Variants in MGAT5 observed in about 807,000 individuals in gnomAD.
MGAT5 encodes alpha-1,6-mannosylglycoprotein 6-beta-N-acetylglucosaminyltransferase A.
MGAT5 carries 30 observed loss-of-function variants against 94.3 expected under a neutral mutation model. That is an observed-to-expected ratio of 0.32 (90% CI 0.24 to 0.43). MGAT5 has a LOEUF of 0.43. MGAT5 is among the 20% of genes least tolerant of loss of function. The probability of loss-of-function intolerance (pLI) is 1.00; values close to 1 mark genes in which losing one functional copy is unlikely to be tolerated. For missense variants in MGAT5, 691 were observed against 905.5 expected (o/e 0.76, Z 3.04); for synonymous variants, 310 against 322.9 (o/e 0.96, Z 0.43).
At chr2:134,400,000 G>C (rs1298616280) in intron 10 of MGAT5, among the ~76,000 whole-genome samples, 1 of 152,198 alleles carries the variant, frequency 6.6e-6, no homozygotes, top group East Asian at 1.9e-4. Context: ...CATGAAGACA[G>C]AAGGGGATCC....
chr2:134,310,251 G>A (rs1363606953), intron 2 of MGAT5, among the ~76,000 whole-genome samples: 1 of 152,180 alleles, frequency 6.6e-6, no homozygotes, highest in Admixed American at 6.5e-5. Context: ...ACATGAAGAT[G>A]ATGATGTGCA....
intron 1 of MGAT5, among the ~76,000 whole-genome samples, chr2:134,226,758 GCTTACAGATA>G (rs1358753646): frequency 6.6e-6 from 1 of 152,126 alleles, no homozygotes; most frequent in African/African-American, 2.4e-5. Context: ...GTTGAAATAT[GCTTACAGATA>G]AAAACGGACA....
intron 14 of MGAT5, among the ~76,000 whole-genome samples, chr2:134,431,545 C>T (rs1684875416): frequency 6.6e-6 from 1 of 152,122 alleles, no homozygotes. Flanking sequence ...TTTTTTGCAG[C>T]TAGACGAATA....
At chr2:134,321,244 A>G (rs1037313336) in intron 4 of MGAT5, among the ~76,000 whole-genome samples, 8 of 151,658 alleles carry the variant, frequency 5.3e-5, no homozygotes, top group East Asian at 2.0e-4. Flanking sequence ...TTTAATTTTC[A>G]AAAGTTTTAT....
chr2:134,196,342 G>A (rs1276802020), intron 1 of MGAT5, among the ~76,000 whole-genome samples: 1 of 151,580 alleles, frequency 6.6e-6, no homozygotes, highest in African/African-American at 2.4e-5. Context: ...TGGTACTCAA[G>A]TACCAGTATG....
At chr2:134,393,672 A>G (rs973948001) in intron 10 of MGAT5, among the ~76,000 whole-genome samples, 2 of 152,168 alleles carry the variant, frequency 1.3e-5, no homozygotes, top group African/African-American at 4.8e-5. Flanking sequence ...AGAGAGGAAC[A>G]TCTCCAAATA....
intron 2 of MGAT5, among the ~76,000 whole-genome samples, chr2:134,290,017 C>T (rs1282616541): frequency 6.6e-6 from 1 of 152,134 alleles, no homozygotes; most frequent in Non-Finnish European, 1.5e-5. Flanking sequence ...ATGAGTCCTC[C>T]TAGCAAATCA....
At chr2:134,372,205 C>T (rs1680852138) in intron 10 of MGAT5, among the ~76,000 whole-genome samples, 1 of 152,182 alleles carries the variant, frequency 6.6e-6, no homozygotes, top group South Asian at 2.1e-4. Flanking sequence ...AGCCAGCAAC[C>T]ACATCAGGCT....
rs1166438464 is a variant in MGAT5, at chr2:134,362,494, C to G, written c.1380+86C>G. The G allele has an allele frequency of 6.0e-6, 9 of 1,506,842 alleles. No homozygotes were observed. In the East Asian group the frequency reaches 2.0e-4, roughly 34 times the overall value. The allele number at this position is 1,506,842 out of a possible 1,614,324, so 93.3% of individuals were successfully genotyped here. A position where few individuals can be genotyped will look rare whatever the true frequency, so the allele number is the denominator to read the frequency against. ...ACTTTGATCCAGGGAATAATCAAGC[C>G]AAGTGCCCAGGGCTTAATGGGATCT... On this transcript the variant is annotated intron_variant, in intron 10 of 15. Coordinates refer to ENST00000281923, the MANE Select transcript of MGAT5 (RefSeq NM_002410.5).
intron 1 of MGAT5, among the ~76,000 whole-genome samples, chr2:134,150,766 A>C (rs1397946606): frequency 1.3e-5 from 2 of 152,244 alleles, no homozygotes; most frequent in African/African-American, 4.8e-5. Flanking sequence ...AATAGAATAC[A>C]GTTATGCTTT....
chr2:134,298,326 G>A (rs980184056), intron 2 of MGAT5, among the ~76,000 whole-genome samples: 5 of 152,060 alleles, frequency 3.3e-5, no homozygotes, highest in Admixed American at 6.6e-5. Flanking sequence ...TTGAACTCCC[G>A]ACCTCAAGTG....
intron 1 of MGAT5, among the ~76,000 whole-genome samples, chr2:134,131,511 A>G (rs1686162604): frequency 6.6e-6 from 1 of 151,416 alleles, no homozygotes; most frequent in Non-Finnish European, 1.5e-5. Context: ...ATAATGTAAA[A>G]CCTCTCTGCT....
chr2:134,189,521 C>T (rs1265959431), intron 1 of MGAT5, among the ~76,000 whole-genome samples: 1 of 151,206 alleles, frequency 6.6e-6, no homozygotes, highest in African/African-American at 2.4e-5. Flanking sequence ...CATGTTGGTG[C>T]TGCTGCTCTA....
At chr2:134,209,152 A>ATTTTTTTTTTTTTTTT (rs869116395) in intron 1 of MGAT5, among the ~76,000 whole-genome samples, 1 of 20,778 alleles carries the variant, frequency 4.8e-5, no homozygotes, top group Non-Finnish European at 6.4e-5. Context: ...TTTTTTTTTT[A>ATTTTTTTTTTTTTTTT]TTTTTTTTTT....
intron 1 of MGAT5, among the ~76,000 whole-genome samples, chr2:134,247,527 A>C (rs1682355917): frequency 6.6e-6 from 1 of 152,170 alleles, no homozygotes; most frequent in Non-Finnish European, 1.5e-5. Context: ...GATTGTCTCT[A>C]GTATCTTAGG....
chr2:134,427,244 C>T (rs965927097), intron 13 of MGAT5, among the ~76,000 whole-genome samples: 1 of 152,166 alleles, frequency 6.6e-6, no homozygotes, highest in Non-Finnish European at 1.5e-5. Flanking sequence ...AGGTGCCCCT[C>T]CGTCTACCCT....
intron 1 of MGAT5, among the ~76,000 whole-genome samples, chr2:134,266,470 C>T (rs969449132): frequency 6.6e-6 from 1 of 152,210 alleles, no homozygotes; most frequent in African/African-American, 2.4e-5. Flanking sequence ...ATCCGCCTGC[C>T]TCGGCCTCCC....
intron 1 of MGAT5, among the ~76,000 whole-genome samples, chr2:134,195,666 A>C (rs950625027): frequency 6.6e-5 from 10 of 152,210 alleles, no homozygotes; most frequent in African/African-American, 2.4e-4. Flanking sequence ...CTACTGCATT[A>C]AGTGAATCTC....
At chr2:134,248,411 C>T (rs1682402933) in intron 1 of MGAT5, among the ~76,000 whole-genome samples, 1 of 152,174 alleles carries the variant, frequency 6.6e-6, no homozygotes, top group Non-Finnish European at 1.5e-5. Flanking sequence ...GTTACGAGTA[C>T]TCTATGGAAG....
Sources: allele counts gnomAD v4.1 joint callset (sites outside exome capture counted in the v4.1 genomes callset), GRCh38; gene constraint gnomAD v4.1.1; transcripts MANE v1.5; gene names NCBI Gene and HGNC (gene_info 2026-07-23, HGNC 2026-07-21).